The following LSAMP variants were observed in gnomAD, a reference collection of about 807,000 sequenced individuals.
LSAMP encodes limbic system-associated membrane protein.
Under a neutral mutation model 38.6 loss-of-function variants are expected in LSAMP, and 7 were observed. The ratio of observed to expected loss-of-function variants is 0.18; its 90% CI spans 0.10 to 0.34. The LOEUF (loss-of-function observed/expected upper bound fraction) is 0.34, where lower values mean the gene tolerates loss of function less well. Among genes scored for constraint, LSAMP ranks in the 10% least tolerant of loss-of-function variants. LSAMP has a pLI of 1.00. For missense variants in LSAMP, 313 were observed against 420.0 expected (o/e 0.75, Z 2.23); for synonymous variants, 154 against 166.8 (o/e 0.92, Z 0.59).
chr3:116,290,529 A>AGACCAGCCT (rs2047250110), intron 1 of LSAMP, among the ~76,000 whole-genome samples: 1 of 151,912 alleles, frequency 6.6e-6, no homozygotes, highest in South Asian at 2.1e-4. Context: ...CAGGAGTTTG[A>AGACCAGCCT]GACCAGCCTG....
chr3:115,943,519 G>A (rs1335780392), intron 3 of LSAMP, among the ~76,000 whole-genome samples: 2 of 152,078 alleles, frequency 1.3e-5, no homozygotes, highest in East Asian at 3.9e-4. Flanking sequence ...CTATAATCAG[G>A]GAGACCATGA....
At chr3:116,256,423 C>T (rs993716498) in intron 1 of LSAMP, among the ~76,000 whole-genome samples, 1 of 152,130 alleles carries the variant, frequency 6.6e-6, no homozygotes, top group African/African-American at 2.4e-5. Flanking sequence ...GGAAAAAGGA[C>T]AAGCCGTGAC....
chr3:115,906,206 C>T (rs1559875432), intron 3 of LSAMP, among the ~76,000 whole-genome samples: 4 of 152,118 alleles, frequency 2.6e-5, no homozygotes, highest in Admixed American at 2.6e-4. Context: ...GGAGTTCTGC[C>T]ATTTATAATA....
rs147509151 is a variant in LSAMP, at chr3:116,063,542, T to C, written c.388+22782A>G. Among the ~76,000 whole-genome samples, 259 of 152,226 alleles carry C rather than the reference T, an allele frequency of 1.7e-3. 4 individuals carry two copies. The highest frequency in any genetic ancestry group is 5.9e-3 in the African/African-American group (246 of 41,560). On this transcript the variant is annotated intron_variant, in intron 2 of 6. Transcript: ENST00000490035. The stretch of plus-strand genomic sequence containing the variant: ...AAACATGAATGCAAAACAAATAAAT[T>C]GGAGAATGTTGTTACATTAAAAGTT...
At chr3:115,839,280 T>C (rs1198895938) in intron 6 of LSAMP, among the ~76,000 whole-genome samples, 1 of 129,500 alleles carries the variant, frequency 7.7e-6, no homozygotes, top group Non-Finnish European at 1.7e-5. Context: ...CTTCCTTCCT[T>C]CCTTCCTTCC....
In LSAMP at chr3:116,273,742, G is replaced by GTA. The variant is rs370408861; in HGVS notation, c.155+171133_155+171134dup. Among the ~76,000 whole-genome samples, 807 of 102,676 alleles carry GTA rather than the reference G, an allele frequency of 7.9e-3. 14 individuals carry two copies. Among genetic ancestry groups the GTA allele is most frequent in the African/African-American group, 0.032 (744 of 22,896 alleles). The allele number at this position is 102,676 out of a possible 152,430, so 67.4% of individuals were successfully genotyped here. ...CACACACGTATATATGTATACATAT[G>GTA]TATATATATATAAAATTTTTATTTT... On this transcript the variant is annotated intron_variant, in intron 1 of 6. Coordinates refer to ENST00000490035, the MANE Select transcript of LSAMP (RefSeq NM_002338.5).
At chr3:116,439,493 T>C (rs970399970) in intron 1 of LSAMP, among the ~76,000 whole-genome samples, 1 of 151,642 alleles carries the variant, frequency 6.6e-6, no homozygotes, top group Non-Finnish European at 1.5e-5. Context: ...CAATCTGCTA[T>C]AGCAAGCCCT....
chr3:116,399,646 A>G (rs2048812691), intron 1 of LSAMP, among the ~76,000 whole-genome samples: 1 of 152,216 alleles, frequency 6.6e-6, no homozygotes, highest in Non-Finnish European at 1.5e-5. Context: ...TGATAAAAAT[A>G]CTGTGCATGG....
chr3:116,254,663 A>G (rs1022039468), intron 1 of LSAMP, among the ~76,000 whole-genome samples: 6 of 152,190 alleles, frequency 3.9e-5, no homozygotes, highest in Non-Finnish European at 5.9e-5. Context: ...AACTGGAAAA[A>G]GCCAACTTTC....
intron 1 of LSAMP, among the ~76,000 whole-genome samples, chr3:116,328,728 G>C (rs540929651): frequency 6.6e-6 from 1 of 152,142 alleles, no homozygotes; most frequent in Non-Finnish European, 1.5e-5. Flanking sequence ...TAAAATGAGA[G>C]AGAGAGGATG....
At chr3:115,904,223 C>A (rs1576203647) in intron 3 of LSAMP, among the ~76,000 whole-genome samples, 1 of 152,134 alleles carries the variant, frequency 6.6e-6, no homozygotes, top group Non-Finnish European at 1.5e-5. Flanking sequence ...AGCTATTAAA[C>A]ATATTTTAGG....
rs566004605 is a variant in LSAMP, at chr3:116,404,761, G to A, written c.155+40116C>T. ...TAAGGTGACAAAATTGTTTTTTTGT[G>A]GTAAATATCAAAAGCCACACTCAGA... On this transcript the variant is annotated intron_variant, in intron 1 of 6. Transcript: ENST00000490035. 3.2e-4 allele frequency among the ~76,000 whole-genome samples: 49 copies of A among 152,062 alleles called. 1 individual carries two copies. In the South Asian group the frequency reaches 6.4e-3, roughly 20 times the overall value.
chr3:115,940,469 T>C (rs949134447), intron 3 of LSAMP, among the ~76,000 whole-genome samples: 3 of 152,208 alleles, frequency 2.0e-5, no homozygotes, highest in African/African-American at 7.2e-5. Context: ...TTTACAATCC[T>C]TTAGCTAGAC....
At chr3:115,922,354 A>G (rs185550602) in intron 3 of LSAMP, among the ~76,000 whole-genome samples, 1 of 152,168 alleles carries the variant, frequency 6.6e-6, no homozygotes, top group East Asian at 1.9e-4. Context: ...GGTCAAATCT[A>G]CTATTGACTA....
chr3:115,931,656 A>T (rs1559886016), intron 3 of LSAMP, among the ~76,000 whole-genome samples: 1 of 152,192 alleles, frequency 6.6e-6, no homozygotes, highest in South Asian at 2.1e-4. Flanking sequence ...TGATTTCAGG[A>T]AAGATGCATG....
intron 3 of LSAMP, among the ~76,000 whole-genome samples, chr3:115,900,044 A>C (rs1417749609): frequency 6.6e-6 from 1 of 152,198 alleles, no homozygotes; most frequent in African/African-American, 2.4e-5. Flanking sequence ...TTTTGGATGT[A>C]GAATTACACT....
At chr3:116,185,627 C>T (rs1174277540) in intron 1 of LSAMP, among the ~76,000 whole-genome samples, 1 of 151,990 alleles carries the variant, frequency 6.6e-6, no homozygotes, top group Non-Finnish European at 1.5e-5. Context: ...TATTGGTTAC[C>T]TTTTCTCCTT....
intron 1 of LSAMP, among the ~76,000 whole-genome samples, chr3:116,131,084 A>T (rs1489501503): frequency 7.0e-6 from 1 of 143,248 alleles, no homozygotes; most frequent in South Asian, 2.2e-4. Context: ...TCCATCTCCC[A>T]GGTTCACGCC....
intron 1 of LSAMP, among the ~76,000 whole-genome samples, chr3:116,151,676 C>T (rs1037675557): frequency 3.3e-5 from 5 of 152,038 alleles, no homozygotes; most frequent in African/African-American, 7.2e-5. Context: ...GAACACGATA[C>T]TTGGCATGTC....
Sources: gnomAD v4.1 joint callset for allele counts (sites outside exome capture counted in the v4.1 genomes callset) on GRCh38, gnomAD v4.1.1 for gene constraint, MANE v1.5 for transcripts, NCBI Gene and HGNC (gene_info 2026-07-23, HGNC 2026-07-21) for gene names.